Variants in LRCH3 observed in about 807,000 individuals in gnomAD.
LRCH3 encodes the protein DISP complex protein LRCH3.
LRCH3 carries 68 observed loss-of-function variants against 104.5 expected under a neutral mutation model. That is an observed-to-expected ratio of 0.65 (90% confidence interval 0.54 to 0.80). The LOEUF (loss-of-function observed/expected upper bound fraction) is 0.80, where lower values mean the gene tolerates loss of function less well. LRCH3 is among the 30% of genes least tolerant of loss of function. LRCH3 has a pLI of 0.00. For synonymous variants in LRCH3, 344 were observed against 361.3 expected, an observed-to-expected ratio of 0.95 and a Z score of 0.54; for missense variants, 951 against 953.9, an observed-to-expected ratio of 1.00 and a Z score of 0.04.
At chr3:197,829,999 T>G (rs912919178) in intron 6 of LRCH3, among the ~76,000 whole-genome samples, 1 of 152,228 alleles carries the variant, frequency 6.6e-6, no homozygotes, top group African/African-American at 2.4e-5. Context: ...AGTCTCCAAA[T>G]GTCACCTTGG....
At chr3:197,835,652 G>GGTGT (rs759439428) in intron 8 of LRCH3, 22 bp from the exon 9 acceptor site, 3 of 1,575,418 alleles carry the variant, frequency 1.9e-6, no homozygotes, top group Middle Eastern at 1.7e-4. Context: ...TGTGTGTGTG[G>GGTGT]GTGTGTGTGT....
chr3:197,866,505 CT>C (rs1741500343), intron 17 of LRCH3, among the ~76,000 whole-genome samples: 1 of 152,170 alleles, frequency 6.6e-6, no homozygotes, highest in East Asian at 1.9e-4. Flanking sequence ...TGGTAATGAA[CT>C]CTTTTTCACA....
chr3:197,797,873 ACAAAAAAAAC>A (rs1389779346), intron 1 of LRCH3, among the ~76,000 whole-genome samples: 15 of 18,692 alleles, frequency 8.0e-4, no homozygotes, highest in South Asian at 3.6e-3. Flanking sequence ...AAAAAAAAAA[ACAAAAAAAAC>A]AAAAAAAAAA....
chr3:197,827,109 A>G (rs1289427867), intron 5 of LRCH3, 95 bp downstream of exon 5: 59 of 1,551,892 alleles, frequency 3.8e-5, no homozygotes, highest in Middle Eastern at 1.9e-4. Flanking sequence ...AGCATCAGGT[A>G]AATCATAGTG....
At chr3:197,836,681 A>G (rs1029918879) in intron 9 of LRCH3, among the ~76,000 whole-genome samples, 1 of 152,200 alleles carries the variant, frequency 6.6e-6, no homozygotes, top group Non-Finnish European at 1.5e-5. Context: ...GAGTGATATT[A>G]TCATTCTTTA....
intron 8 of LRCH3, among the ~76,000 whole-genome samples, chr3:197,834,904 G>A (rs1165943457): frequency 6.6e-6 from 1 of 152,146 alleles, no homozygotes; most frequent in Non-Finnish European, 1.5e-5. Context: ...AGCACTTTGG[G>A]TGGCCACAGT....
Position 197,852,574 on chromosome 3 carries a change from A to G in LRCH3, c.1544A>G (p.Gln515Arg). Reference protein sequence around the residue: ...VLDFVKQKASQSPQKQHPLLD... With the variant: ...VLDFVKQKASRSPQKQHPLLD... Reference sequence around the variant, plus strand: ...GGGATTATACAGCAAAAAGCATCACAAAGTCCACAAAAACAGCACCCGCTC... The same window carrying G: ...GGGATTATACAGCAAAAAGCATCACGAAGTCCACAAAAACAGCACCCGCTC... Residue 515 changes from glutamine to arginine, a missense_variant, in exon 13 of 21, where the codon CAA becomes CGA. Gln to Arg is a conservative substitution (Grantham distance 43). Coordinates refer to ENST00000425562, the MANE Select transcript of LRCH3 (RefSeq NM_001365715.1). 1 of 1,614,116 alleles carries G rather than the reference A, an allele frequency of 6.2e-7. No homozygotes were observed. Among genetic ancestry groups the G allele is most frequent in the South Asian group, 1.1e-5 (1 of 91,086 alleles).
chr3:197,864,541 C>T lies in LRCH3; in HGVS notation c.1717-882C>T, dbSNP rs531117420. ...AGGAGAATTGCTTGAACCCGGGAGG[C>T]GGAGGTTGTGGTGAGCTGAGATCGT... On this transcript the variant is annotated intron_variant, in intron 15 of 20. Coordinates refer to ENST00000425562, the MANE Select transcript of LRCH3 (RefSeq NM_001365715.1). 1.3e-3 allele frequency among the ~76,000 whole-genome samples: 183 copies of T among 146,114 alleles called. 3 individuals carry two copies. Among genetic ancestry groups the T allele is most frequent in the Non-Finnish European group, 1.0e-3 (70 of 67,416 alleles).
intron 1 of LRCH3, among the ~76,000 whole-genome samples, chr3:197,801,687 A>G (rs1213917353): frequency 6.6e-6 from 1 of 152,112 alleles, no homozygotes; most frequent in African/African-American, 2.4e-5. Context: ...CTTCTACTAG[A>G]TTGGCAGCTT....
At chr3:197,867,029 C>T (rs745850150) in intron 17 of LRCH3, among the ~76,000 whole-genome samples, 13 of 152,170 alleles carry the variant, frequency 8.5e-5, no homozygotes, top group Non-Finnish European at 1.8e-4. Context: ...AATCCCAGCA[C>T]TTTGGGAGGC....
Position 197,870,210 on chromosome 3 carries a change from G to C in LRCH3, c.1924G>C (p.Asp642His). Residue 642 changes from aspartate (D) to histidine (H), a missense_variant, in exon 18 of 21, where the codon GAT becomes CAT. By Grantham distance (81) the Asp-to-His change is moderately conservative (BLOSUM62 -1). Transcript: ENST00000425562. ...PSAAPTTDST[D>H]SITGQNSRQR... ...TGCTGCACCTACCACTGATTCTACA[G>C]ATTCCATAACAGGACAGAATTCAAG... 1 of 1,613,164 alleles carries C rather than the reference G, an allele frequency of 6.2e-7. No individual in the cohort carries two copies. Among genetic ancestry groups the C allele is most frequent in the Non-Finnish European group, 8.5e-7 (1 of 1,179,172 alleles).
At chr3:197,825,543 A>G (rs529606959) in intron 4 of LRCH3, among the ~76,000 whole-genome samples, 9 of 128,018 alleles carry the variant, frequency 7.0e-5, no homozygotes, top group African/African-American at 2.8e-4. Flanking sequence ...GCAGTGGCTC[A>G]ATCTCGGCTC....
intron 14 of LRCH3, among the ~76,000 whole-genome samples, chr3:197,857,178 CT>C (rs1740363269): frequency 7.1e-6 from 1 of 140,426 alleles, no homozygotes; most frequent in African/African-American, 3.1e-5. Flanking sequence ...ACCTCTCAAG[CT>C]CCTGTTAATA....
At chr3:197,818,746 G>A (rs1035869510) in intron 3 of LRCH3, among the ~76,000 whole-genome samples, 2 of 152,208 alleles carry the variant, frequency 1.3e-5, no homozygotes, top group African/African-American at 2.4e-5. Context: ...AAAAGGTAGA[G>A]ATGTGTTATA....
chr3:197,855,951 G>A lies in LRCH3; in HGVS notation c.1644+1506G>A, dbSNP rs114692619. On this transcript the variant is annotated intron_variant, in intron 14 of 20. Coordinates refer to ENST00000425562, the MANE Select transcript of LRCH3 (RefSeq NM_001365715.1). ...CAAAACTGTGCTTCAGAAGGCTCCC[G>A]TTGCTTAGAGTGAAGTCCGAACGTG... Among the ~76,000 whole-genome samples, 1,333 of 152,262 alleles carry A rather than the reference G, an allele frequency of 8.8e-3. 35 individuals are homozygous for A. In the East Asian group the frequency reaches 0.093, roughly 11 times the overall value.
At chr3:197,843,680 A>C (rs1227131292) in intron 10 of LRCH3, among the ~76,000 whole-genome samples, 1 of 152,080 alleles carries the variant, frequency 6.6e-6, no homozygotes, top group African/African-American at 2.4e-5. Context: ...ACGCCATCTC[A>C]AAAGAAAAAA....
intron 9 of LRCH3, among the ~76,000 whole-genome samples, chr3:197,837,928 C>T (rs1385296289): frequency 2.0e-5 from 3 of 151,852 alleles, no homozygotes; most frequent in Non-Finnish European, 4.4e-5. Context: ...GGTGTCATGG[C>T]AGGTGCCTGT....
rs75027257 is a variant in LRCH3, at chr3:197,883,256, G to A, written c.2209-285G>A. ...ATAAAGGATGTTGCTTTCACCCTGC[G>A]GTATTGTTTTCCCTCTGTTGTATGT... is the stretch of plus-strand genomic sequence containing the variant. On this transcript the variant is annotated intron_variant, in intron 20 of 20. Coordinates refer to ENST00000425562, the MANE Select transcript of LRCH3 (RefSeq NM_001365715.1). The surrounding 1 kb of genome is among the most constrained non-coding windows in gnomAD (Gnocchi z 4.2). The A allele has an allele frequency of 3.6e-3, 3,925 of 1,100,408 alleles. 129 individuals carry two copies. The African/African-American group carries it at 0.059, about 16-fold the overall frequency. The allele number at this position is 1,100,408 out of a possible 1,614,324, so 68.2% of individuals were successfully genotyped here. A position where few individuals can be genotyped will look rare whatever the true frequency, so the allele number is the denominator to read the frequency against.
At position 197,875,711 on chromosome 3, in the gene LRCH3, T is replaced by TGGCGAAATGCA; in HGVS notation, c.2154_2164dup (p.Val722AlafsTer9). 6.5e-7 allele frequency: 1 copy of TGGCGAAATGCA among 1,534,548 alleles called. No individual in the cohort carries two copies. The highest frequency in any genetic ancestry group is 8.7e-7 in the Non-Finnish European group (1 of 1,146,536). Reference sequence around the variant, plus strand: ...TCCTCATTTCAGCCTAAATTAACAATGGCGAAATGCAGGCGAAATGTGGAA... The same window carrying TGGCGAAATGCA: ...TCCTCATTTCAGCCTAAATTAACAATGGCGAAATGCAGGCGAAATGCAGGCGAAATGTGGAA... On this transcript the variant is annotated frameshift_variant, in exon 20 of 21. Coordinates refer to ENST00000425562, the MANE Select transcript of LRCH3 (RefSeq NM_001365715.1). LOFTEE classifies it high-confidence loss of function.
Sources: allele counts gnomAD v4.1 joint callset (sites outside exome capture counted in the v4.1 genomes callset), GRCh38; gene constraint gnomAD v4.1.1; non-coding constraint Gnocchi (gnomAD v3.1); transcripts MANE v1.5; gene names NCBI Gene and HGNC (gene_info 2026-07-23, HGNC 2026-07-21).